Variants in ST6GALNAC3 observed in about 807,000 individuals in gnomAD.
ST6GALNAC3 encodes the protein alpha-N-acetylgalactosaminide alpha-2,6-sialyltransferase 3.
A neutral mutation model predicts 32.7 loss-of-function variants in ST6GALNAC3; 25 were observed. That is an observed-to-expected ratio of 0.76 (90% CI 0.56 to 1.07). The LOEUF (loss-of-function observed/expected upper bound fraction) is 1.07, where lower values mean the gene tolerates loss of function less well. Ranked by LOEUF, ST6GALNAC3 falls within the 50% of genes least tolerant of loss-of-function variation. The probability of loss-of-function intolerance (pLI) is 0.00; values close to 1 mark genes in which losing one functional copy is unlikely to be tolerated. For missense variants in ST6GALNAC3, 355 were observed against 382.4 expected, an observed-to-expected ratio of 0.93 and a Z score of 0.60; for synonymous variants, 129 against 133.1, an observed-to-expected ratio of 0.97 and a Z score of 0.21.
intron 3 of ST6GALNAC3, among the ~76,000 whole-genome samples, chr1:76,446,556 A>G (rs1656983532): frequency 6.6e-6 from 1 of 152,150 alleles, no homozygotes; most frequent in Non-Finnish European, 1.5e-5. Flanking sequence ...TGCCTTTTCC[A>G]GAATGTCATA....
intron 3 of ST6GALNAC3, among the ~76,000 whole-genome samples, chr1:76,422,882 A>G (rs955728641): frequency 3.9e-5 from 6 of 151,996 alleles, no homozygotes; most frequent in African/African-American, 1.4e-4. Context: ...CTCCTGTGAA[A>G]GTCCTACTGC....
At chr1:76,287,998 G>A (rs988352300) in intron 1 of ST6GALNAC3, among the ~76,000 whole-genome samples, 1 of 152,190 alleles carries the variant, frequency 6.6e-6, no homozygotes, top group African/African-American at 2.4e-5. Flanking sequence ...TGGGAGCCAT[G>A]TGCTTATTAC....
intron 1 of ST6GALNAC3, among the ~76,000 whole-genome samples, chr1:76,187,717 A>T (rs746839762): frequency 5.3e-5 from 8 of 152,010 alleles, no homozygotes; most frequent in Non-Finnish European, 1.2e-4. Context: ...CTCACTCTTT[A>T]GTTTCCCCAC....
chr1:76,488,314 G>T (rs996223928), intron 3 of ST6GALNAC3, among the ~76,000 whole-genome samples: 1 of 143,912 alleles, frequency 6.9e-6, no homozygotes, highest in South Asian at 2.4e-4. Flanking sequence ...GTCATGTGAT[G>T]TGCCGGCTAC....
chr1:76,311,744 T>C (rs1646768163), intron 1 of ST6GALNAC3, among the ~76,000 whole-genome samples: 1 of 152,200 alleles, frequency 6.6e-6, no homozygotes, highest in Non-Finnish European at 1.5e-5. Context: ...TAAACATATG[T>C]GTGCATGTGT....
At position 76,365,572 on chromosome 1, in the gene ST6GALNAC3, T is replaced by C. The variant is rs1156784319; in HGVS notation, c.214-46436T>C. 2.0e-5 allele frequency among the ~76,000 whole-genome samples: 3 copies of C among 152,236 alleles called. No homozygotes were observed. In the East Asian group the frequency reaches 5.8e-4, roughly 29 times the overall value. ...CTATAGTGAATAGAATTTTCTGTGT[T>C]GTTTTAAATAATTCCGTGATCTAAG... On this transcript the variant is annotated intron_variant, in intron 2 of 4. Coordinates refer to ENST00000328299, the MANE Select transcript of ST6GALNAC3 (RefSeq NM_152996.4).
intron 3 of ST6GALNAC3, among the ~76,000 whole-genome samples, chr1:76,490,612 C>T (rs1205366433): frequency 1.3e-5 from 2 of 151,708 alleles, no homozygotes; most frequent in Non-Finnish European, 2.9e-5. Context: ...TCAGTTCTTT[C>T]TCTGCTCCTG....
chr1:76,340,463 T>C (rs902424510), intron 2 of ST6GALNAC3, among the ~76,000 whole-genome samples: 1 of 152,244 alleles, frequency 6.6e-6, no homozygotes, highest in South Asian at 2.1e-4. Context: ...AGTCGGCTTT[T>C]CTGTCATGGG....
chr1:76,515,693 T>G (rs1662133486), intron 3 of ST6GALNAC3, among the ~76,000 whole-genome samples: 1 of 152,210 alleles, frequency 6.6e-6, no homozygotes, highest in Non-Finnish European at 1.5e-5. Flanking sequence ...GCATGTTATT[T>G]AATTTCCATG....
At chr1:76,237,646 G>A (rs1251661225) in intron 1 of ST6GALNAC3, among the ~76,000 whole-genome samples, 2 of 152,036 alleles carry the variant, frequency 1.3e-5, no homozygotes, top group Non-Finnish European at 2.9e-5. Flanking sequence ...TTTTCTCTTA[G>A]GGCCATTTCT....
At position 76,363,482 on chromosome 1, in the gene ST6GALNAC3, A is replaced by G. The variant is rs537050178; in HGVS notation, c.214-48526A>G. ...AACAAGTCTATCGGAAGTTCCAAAC[A>G]TTCCCTCATCTTCCTTTCTTCTTCT... On this transcript the variant is annotated intron_variant, in intron 2 of 4. Coordinates refer to ENST00000328299, the MANE Select transcript of ST6GALNAC3 (RefSeq NM_152996.4). Among the ~76,000 whole-genome samples the G allele has an allele frequency of 2.8e-4, 43 of 152,290 alleles. 1 individual carries two copies. The highest frequency in any genetic ancestry group is 5.4e-4 in the Non-Finnish European group (37 of 68,028).
At chr1:76,260,057 T>G (rs1658138388) in intron 1 of ST6GALNAC3, among the ~76,000 whole-genome samples, 1 of 152,046 alleles carries the variant, frequency 6.6e-6, no homozygotes, top group Non-Finnish European at 1.5e-5. Context: ...ATTGAGCTAA[T>G]TTCCTTACCT....
At chr1:76,562,791 T>C (rs1450101944) in intron 3 of ST6GALNAC3, among the ~76,000 whole-genome samples, 1 of 152,236 alleles carries the variant, frequency 6.6e-6, no homozygotes, top group East Asian at 1.9e-4. Flanking sequence ...ACTGTATCAA[T>C]ATTTGTACAA....
At chr1:76,443,335 T>A (rs1244363700) in intron 3 of ST6GALNAC3, among the ~76,000 whole-genome samples, 1 of 152,166 alleles carries the variant, frequency 6.6e-6, no homozygotes, top group African/African-American at 2.4e-5. Context: ...AACTTTTCAA[T>A]GAGAAGATCC....
intron 3 of ST6GALNAC3, among the ~76,000 whole-genome samples, chr1:76,426,897 T>C (rs976761663): frequency 6.6e-6 from 1 of 151,688 alleles, no homozygotes; most frequent in Non-Finnish European, 1.5e-5. Context: ...CTGACTGAAA[T>C]GTCACTGTGT....
intron 2 of ST6GALNAC3, among the ~76,000 whole-genome samples, chr1:76,372,946 T>A (rs768045437): frequency 2.6e-5 from 4 of 151,850 alleles, no homozygotes; most frequent in Non-Finnish European, 4.4e-5. Flanking sequence ...TTTAAAATAT[T>A]TTTTTTAATT....
chr1:76,418,557 C>T (rs1300543605), intron 3 of ST6GALNAC3, among the ~76,000 whole-genome samples: 1 of 152,116 alleles, frequency 6.6e-6, no homozygotes, highest in African/African-American at 2.4e-5. Context: ...CCCAGGAAAA[C>T]TTCGACCAAG....
At chr1:76,182,578 T>A (rs1044570944) in intron 1 of ST6GALNAC3, among the ~76,000 whole-genome samples, 1 of 152,178 alleles carries the variant, frequency 6.6e-6, no homozygotes, top group African/African-American at 2.4e-5. Flanking sequence ...TTATTTTCAT[T>A]TTAGTTACTC....
At chr1:76,137,855 C>T (rs919179996) in intron 1 of ST6GALNAC3, among the ~76,000 whole-genome samples, 1 of 152,192 alleles carries the variant, frequency 6.6e-6, no homozygotes, top group Non-Finnish European at 1.5e-5. Context: ...CCATTTGTGG[C>T]TCTGAATTCA....
Sources: allele counts gnomAD v4.1 joint callset (sites outside exome capture counted in the v4.1 genomes callset), GRCh38; gene constraint gnomAD v4.1.1; transcripts MANE v1.5; gene names NCBI Gene and HGNC (gene_info 2026-07-23, HGNC 2026-07-21).